The following DNM3 variants were observed in gnomAD, a reference collection of about 807,000 sequenced individuals.
The protein encoded by DNM3 is dynamin-3.
In DNM3, 47 loss-of-function variants were observed where a neutral mutation model predicts 101.6. That is an observed-to-expected ratio of 0.46 (90% CI 0.37 to 0.59). The LOEUF is 0.59. Among genes scored for constraint, DNM3 ranks in the 20% least tolerant of loss-of-function variants. The probability of loss-of-function intolerance (pLI) is 0.00; values close to 1 mark genes in which losing one functional copy is unlikely to be tolerated. For missense variants in DNM3, 849 were observed against 1,085.7 expected (o/e 0.78, Z 3.06); for synonymous variants, 385 against 387.9 (o/e 0.99, Z 0.09).
chr1:172,048,042 T>C (rs1340111049), intron 9 of DNM3, among the ~76,000 whole-genome samples: 1 of 152,182 alleles, frequency 6.6e-6, no homozygotes, highest in Non-Finnish European at 1.5e-5. Flanking sequence ...GAGAAAAGCA[T>C]TATTATAACA....
At chr1:171,905,674 T>C (rs544838186) in intron 1 of DNM3, among the ~76,000 whole-genome samples, 1 of 152,290 alleles carries the variant, frequency 6.6e-6, no homozygotes, top group South Asian at 2.1e-4. Context: ...AAGAGGACTT[T>C]TAACATAATG....
chr1:172,341,433 T>A (rs1198794245), intron 17 of DNM3, among the ~76,000 whole-genome samples: 2 of 152,160 alleles, frequency 1.3e-5, no homozygotes, highest in African/African-American at 4.8e-5. Flanking sequence ...GCCAAGGCCA[T>A]CCTAAGCAAA....
At chr1:172,326,562 G>A (rs962229890) in intron 17 of DNM3, among the ~76,000 whole-genome samples, 4 of 151,926 alleles carry the variant, frequency 2.6e-5, no homozygotes, top group African/African-American at 9.7e-5. Flanking sequence ...CCTCCATGTT[G>A]TGTCTTAGAC....
intron 15 of DNM3, among the ~76,000 whole-genome samples, chr1:172,269,745 C>A (rs6701929): frequency 1.3e-5 from 2 of 152,028 alleles, no homozygotes; most frequent in Non-Finnish European, 2.9e-5. Context: ...CTGCAGCTTC[C>A]TTTTAGCCAG....
chr1:171,889,603 T>A (rs758126016), intron 1 of DNM3, among the ~76,000 whole-genome samples: 9 of 152,166 alleles, frequency 5.9e-5, no homozygotes, highest in Non-Finnish European at 1.2e-4. Flanking sequence ...GCATGAAGGT[T>A]TAGGTATGAT....
intron 2 of DNM3, among the ~76,000 whole-genome samples, chr1:171,936,974 T>G (rs966213027): frequency 1.3e-5 from 2 of 152,210 alleles, no homozygotes; most frequent in African/African-American, 2.4e-5. Flanking sequence ...AAGAGATGGA[T>G]TCCTACAACA....
chr1:172,032,594 G>T, intron 5 of DNM3, 94 bp downstream of exon 5: 1 of 782,850 alleles, frequency 1.3e-6, no homozygotes, highest in Non-Finnish European at 1.9e-6. Flanking sequence ...CCACTAGGAG[G>T]TTTGGTTTTA....
intron 14 of DNM3, among the ~76,000 whole-genome samples, chr1:172,210,882 G>A (rs1433485762): frequency 2.0e-5 from 3 of 152,060 alleles, no homozygotes; most frequent in African/African-American, 4.8e-5. Context: ...AAAGCCAAGT[G>A]TGAGGGAAGA....
chr1:172,149,673 C>T (rs926806161), intron 14 of DNM3, among the ~76,000 whole-genome samples: 1 of 152,044 alleles, frequency 6.6e-6, no homozygotes, highest in African/African-American at 2.4e-5. Flanking sequence ...TCATGGTGTC[C>T]TCAGGTCACT....
At chr1:172,224,369 T>C (rs1276802505) in intron 14 of DNM3, among the ~76,000 whole-genome samples, 2 of 152,208 alleles carry the variant, frequency 1.3e-5, no homozygotes, top group East Asian at 3.8e-4. Flanking sequence ...TTTAGTATTG[T>C]GGAAATCAAA....
intron 16 of DNM3, among the ~76,000 whole-genome samples, chr1:172,315,263 A>G (rs1218653257): frequency 6.6e-6 from 1 of 152,214 alleles, no homozygotes; most frequent in Admixed American, 6.5e-5. Flanking sequence ...TCAAAGACCA[A>G]AAGTAGATAA....
At chr1:171,869,002 C>T (rs983517619) in intron 1 of DNM3, among the ~76,000 whole-genome samples, 17 of 152,136 alleles carry the variant, frequency 1.1e-4, no homozygotes, top group African/African-American at 3.6e-4. Flanking sequence ...AGGCTGGTCT[C>T]GACCTCCTGA....
At chr1:172,015,937 A>G (rs2047418381) in intron 4 of DNM3, among the ~76,000 whole-genome samples, 1 of 151,788 alleles carries the variant, frequency 6.6e-6, no homozygotes, top group Non-Finnish European at 1.5e-5. Flanking sequence ...GCACTTTGGG[A>G]GGCCAAGGTG....
chr1:172,322,476 G>A (rs916627784), intron 16 of DNM3, among the ~76,000 whole-genome samples: 5 of 152,230 alleles, frequency 3.3e-5, no homozygotes, highest in African/African-American at 1.2e-4. Context: ...TAGGCCATAT[G>A]TGAGTTAAAT....
Position 171,845,312 on chromosome 1 carries a change from G to A in DNM3, c.161+3495G>A, listed in dbSNP as rs113313018. Among the ~76,000 whole-genome samples, 1,194 of 152,316 alleles carry A rather than the reference G, an allele frequency of 7.8e-3. 14 individuals carry two copies. Among genetic ancestry groups the A allele is most frequent in the African/African-American group, 0.027 (1,126 of 41,546 alleles). On this transcript the variant is annotated intron_variant, in intron 1 of 20. Coordinates refer to ENST00000627582, the MANE Select transcript of DNM3 (RefSeq NM_015569.5). ...GCTTATAACCCCAGTATTTGGGGAG[G>A]CCAAGGCGGGAGGATTGCTTGAGCC...
At chr1:172,394,156 A>C (rs1206514229) in intron 20 of DNM3, 1 of 152,168 alleles carries the variant, frequency 6.6e-6, no homozygotes, top group African/African-American at 2.4e-5. Context: ...CTTGGTTTCA[A>C]TCTGGTTTAA....
intron 11 of DNM3, among the ~76,000 whole-genome samples, chr1:172,081,459 G>T (rs1385578304): frequency 6.6e-6 from 1 of 152,124 alleles, no homozygotes; most frequent in Admixed American, 6.5e-5. Context: ...TAAGCTCAGC[G>T]CAACCCCTCA....
chr1:172,370,217 T>A (rs1233115874), intron 17 of DNM3: 1 of 151,956 alleles, frequency 6.6e-6, no homozygotes, highest in East Asian at 1.9e-4. Flanking sequence ...TGTTACTTTT[T>A]AAAATATGGC....
At chr1:172,290,189 TGCTGTAGTTAGATGAGGCA>T (rs1429683090) in intron 15 of DNM3, 1 of 192,706 alleles carries the variant, frequency 5.2e-6, no homozygotes, top group Non-Finnish European at 9.5e-6. Flanking sequence ...AATGGACTTG[TGCTGTAGTTAGATGAGGCA>T]GCAGATAGTT....
Sources: allele counts gnomAD v4.1 joint callset (sites outside exome capture counted in the v4.1 genomes callset), GRCh38; gene constraint gnomAD v4.1.1; transcripts MANE v1.5; gene names NCBI Gene and HGNC (gene_info 2026-07-23, HGNC 2026-07-21).